Variants in DLGAP1 observed in about 807,000 individuals in gnomAD.
The protein encoded by DLGAP1 is disks large-associated protein 1.
DLGAP1 carries 11 observed loss-of-function variants against 90.8 expected under a neutral mutation model. The observed-to-expected ratio is 0.12, with a 90% CI of 0.08 to 0.20. The LOEUF is 0.20. Among genes scored for constraint, DLGAP1 ranks in the 10% least tolerant of loss-of-function variants. DLGAP1 has a pLI of 1.00. For missense variants in DLGAP1, 1,050 were observed against 1,333.8 expected (o/e 0.79, Z 3.31); for synonymous variants, 558 against 540.7 (o/e 1.03, Z -0.44).
intron 7 of DLGAP1, chr18:3,602,899 GTGC>G (rs1469587248): frequency 6.6e-6 from 1 of 152,210 alleles, no homozygotes; most frequent in African/African-American, 2.4e-5. Flanking sequence ...TGCGTGTTGT[GTGC>G]TGGACTGTGG....
At chr18:3,771,274 AC>A (rs1215959697) in intron 5 of DLGAP1, 1 of 152,136 alleles carries the variant, frequency 6.6e-6, no homozygotes, top group East Asian at 1.9e-4. Flanking sequence ...CTCTCTTCTA[AC>A]CCCTGGGTCT....
chr18:3,937,208 C>T (rs371448355), intron 3 of DLGAP1, among the ~76,000 whole-genome samples: 13 of 152,088 alleles, frequency 8.5e-5, no homozygotes, highest in South Asian at 4.1e-4. Context: ...TGATAACAAA[C>T]GTGTATTAGT....
chr18:3,735,323 G>A (rs529167486), intron 6 of DLGAP1, among the ~76,000 whole-genome samples: 1 of 152,172 alleles, frequency 6.6e-6, no homozygotes, highest in Non-Finnish European at 1.5e-5. Flanking sequence ...AGATTCAAGC[G>A]ATTCTTCTGC....
At chr18:4,313,762 C>T (rs1248461723) in intron 1 of DLGAP1, among the ~76,000 whole-genome samples, 1 of 152,192 alleles carries the variant, frequency 6.6e-6, no homozygotes, top group African/African-American at 2.4e-5. Context: ...ACAAGTTGAA[C>T]TTCACTACAG....
intron 1 of DLGAP1, among the ~76,000 whole-genome samples, chr18:4,268,993 T>C (rs2079194815): frequency 6.6e-6 from 1 of 152,094 alleles, no homozygotes; most frequent in African/African-American, 2.4e-5. Flanking sequence ...TAGCAGTTTT[T>C]TGGACATAAT....
intron 5 of DLGAP1, among the ~76,000 whole-genome samples, chr18:3,755,491 C>CA (rs1446112864): frequency 6.6e-6 from 1 of 151,666 alleles, no homozygotes; most frequent in South Asian, 2.1e-4. Flanking sequence ...AAAACAAAAA[C>CA]AAAACCCAAA....
chr18:3,524,875 C>G (rs894274163), intron 10 of DLGAP1, among the ~76,000 whole-genome samples: 2 of 152,208 alleles, frequency 1.3e-5, no homozygotes, highest in Non-Finnish European at 2.9e-5. Flanking sequence ...CTCAGACACA[C>G]TTGTGATCCG....
chr18:4,217,743 G>A (rs1259557320), intron 1 of DLGAP1, among the ~76,000 whole-genome samples: 1 of 151,904 alleles, frequency 6.6e-6, no homozygotes, highest in African/African-American at 2.4e-5. Flanking sequence ...ATTTCTTTGT[G>A]TACTTTGGAT....
chr18:4,172,445 C>T (rs768323182), intron 1 of DLGAP1, among the ~76,000 whole-genome samples: 5 of 152,170 alleles, frequency 3.3e-5, no homozygotes, highest in African/African-American at 9.7e-5. Flanking sequence ...CTTGCATGCG[C>T]GTGAATACAT....
chr18:4,339,233 A>C (rs2081137439), intron 1 of DLGAP1, among the ~76,000 whole-genome samples: 1 of 152,196 alleles, frequency 6.6e-6, no homozygotes, highest in African/African-American at 2.4e-5. Flanking sequence ...CAGAAGACCA[A>C]ACACTGCATG....
chr18:4,095,364 G>C (rs1276240422), intron 2 of DLGAP1, among the ~76,000 whole-genome samples: 1 of 152,136 alleles, frequency 6.6e-6, no homozygotes, highest in Non-Finnish European at 1.5e-5. Flanking sequence ...GAAAAGCTTA[G>C]GCTTGGATGC....
At chr18:3,602,607 A>C (rs1017396964) in intron 7 of DLGAP1, among the ~76,000 whole-genome samples, 64 of 151,308 alleles carry the variant, frequency 4.2e-4, no homozygotes, top group Non-Finnish European at 7.8e-4. Flanking sequence ...AAAAAAAAAA[A>C]AAAAAAAAAC....
intron 1 of DLGAP1, among the ~76,000 whole-genome samples, chr18:4,352,817 C>T (rs1347268096): frequency 2.6e-5 from 4 of 152,156 alleles, no homozygotes; most frequent in Admixed American, 2.0e-4. Context: ...CTTAATGCTT[C>T]TCTACCAATG....
chr18:4,418,433 T>C (rs533545981), intron 1 of DLGAP1, among the ~76,000 whole-genome samples: 1 of 152,160 alleles, frequency 6.6e-6, no homozygotes, highest in South Asian at 2.1e-4. Context: ...ATAACTATGA[T>C]GAAAATGTTA....
In DLGAP1 at chr18:3,782,855, A is replaced by G. The variant is rs147855706; in HGVS notation, c.1172+31204T>C. 5.8e-3 allele frequency among the ~76,000 whole-genome samples: 880 copies of G among 152,332 alleles called. 18 individuals carry two copies. Among genetic ancestry groups the G allele is most frequent in the African/African-American group, 0.02 (844 of 41,576 alleles). ...TGTGAGTCAAAGGACACCTCAAGAAATTGAAAAGACAATCCAAAGAATGGG... is the reference window on the plus strand; with the variant it reads ...TGTGAGTCAAAGGACACCTCAAGAAGTTGAAAAGACAATCCAAAGAATGGG... On this transcript the variant is annotated intron_variant, in intron 5 of 12. Coordinates refer to ENST00000315677, the MANE Select transcript of DLGAP1 (RefSeq NM_004746.4).
chr18:4,337,709 T>C (rs116879585), intron 1 of DLGAP1, among the ~76,000 whole-genome samples: 209 of 152,250 alleles, frequency 1.4e-3, no homozygotes, highest in Non-Finnish European at 2.2e-3. Flanking sequence ...CATAGATACA[T>C]ATATAAAGTC....
intron 1 of DLGAP1, among the ~76,000 whole-genome samples, chr18:4,204,247 A>T (rs1026165519): frequency 1.3e-5 from 2 of 152,198 alleles, no homozygotes; most frequent in African/African-American, 4.8e-5. Context: ...TCTTCTTTTT[A>T]AAAAATGGTA....
intron 1 of DLGAP1, among the ~76,000 whole-genome samples, chr18:4,439,569 G>A (rs1341035464): frequency 6.6e-6 from 1 of 151,920 alleles, no homozygotes; most frequent in African/African-American, 2.4e-5. Context: ...ATTTTGGGAA[G>A]CAAAGGCAGG....
At chr18:4,046,766 A>G (rs2075061054) in intron 2 of DLGAP1, among the ~76,000 whole-genome samples, 1 of 152,246 alleles carries the variant, frequency 6.6e-6, no homozygotes, top group African/African-American at 2.4e-5. Flanking sequence ...GGTTGATAGG[A>G]AATTCTGCCT....
Sources: gnomAD v4.1 joint callset for allele counts (sites outside exome capture counted in the v4.1 genomes callset) on GRCh38, gnomAD v4.1.1 for gene constraint, MANE v1.5 for transcripts, NCBI Gene and HGNC (gene_info 2026-07-23, HGNC 2026-07-21) for gene names.